FKBP9: variants seen among roughly 807,000 people sequenced by gnomAD.
The protein encoded by FKBP9 is peptidyl-prolyl cis-trans isomerase FKBP9.
FKBP9 carries 27 observed loss-of-function variants against 55.6 expected under a neutral mutation model. The observed-to-expected ratio is 0.49, with a 90% CI of 0.36 to 0.67. FKBP9 has a LOEUF of 0.67. FKBP9 is among the 30% of genes least tolerant of loss of function. The probability of loss-of-function intolerance (pLI) is 0.00; values close to 1 mark genes in which losing one functional copy is unlikely to be tolerated. For missense variants in FKBP9, 539 were observed against 742.8 expected (o/e 0.73, Z 3.19); for synonymous variants, 267 against 296.5 (o/e 0.90, Z 1.02).
chr7:32,961,760 A>G (rs1054478521), intron 1 of FKBP9, among the ~76,000 whole-genome samples: 1 of 151,756 alleles, frequency 6.6e-6, no homozygotes, highest in African/African-American at 2.4e-5. Flanking sequence ...TCACAGGCAC[A>G]TGAACCCTAT....
In FKBP9 at chr7:32,976,489, G is replaced by A. The variant is rs1211657007; in HGVS notation, c.693G>A (p.Glu231=). The stretch of plus-strand genomic sequence containing the variant: ...TTCCTCCTTTTCTGGCCTATGGAGA[G>A]GATGGAGATGGTAAGTCCGTCTCCT... ...ITIPPFLAYG[E]DGDGKDIPGQ... Residue 231 remains glutamate, a synonymous_variant, in exon 4 of 10, where the codon GAG becomes GAA. Coordinates refer to ENST00000242209, the MANE Select transcript of FKBP9 (RefSeq NM_007270.5). 4 of 1,599,152 alleles carry A rather than the reference G, an allele frequency of 2.5e-6. No individual in the cohort carries two copies. Among genetic ancestry groups the A allele is most frequent in the Admixed American group, 3.5e-5 (2 of 57,556 alleles).
chr7:32,977,244 T>C (rs1562567027), intron 4 of FKBP9, among the ~76,000 whole-genome samples: 1 of 152,216 alleles, frequency 6.6e-6, no homozygotes, highest in Non-Finnish European at 1.5e-5. Context: ...TGGCACAACA[T>C]AGAGACCGGT....
chr7:32,995,388 C>T (rs191082051), intron 6 of FKBP9, among the ~76,000 whole-genome samples: 4,769 of 152,086 alleles, frequency 0.031, 215 homozygotes, highest in East Asian at 0.19. Flanking sequence ...GGATGTATTA[C>T]AACTGATGCA....
At position 32,971,664 on chromosome 7, in the gene FKBP9, T is replaced by C. The variant is rs1784257376; in HGVS notation, c.222-2953T>C. 2.0e-5 allele frequency among the ~76,000 whole-genome samples: 3 copies of C among 152,170 alleles called. No homozygotes were observed. The South Asian group carries it at 6.2e-4, about 31-fold the overall frequency. ...CTCAGCTAATTTTTTGTATTTTTAG[T>C]AGAGATGGGATTTCACAATGTTGCC... is the stretch of plus-strand genomic sequence containing the variant. On this transcript the variant is annotated intron_variant, in intron 1 of 9. Coordinates refer to ENST00000242209, the MANE Select transcript of FKBP9 (RefSeq NM_007270.5).
intron 1 of FKBP9, among the ~76,000 whole-genome samples, chr7:32,966,279 G>GGA (rs552653813): frequency 1.2e-3 from 184 of 151,152 alleles, no homozygotes; most frequent in African/African-American, 4.4e-3. Flanking sequence ...TGTGTAGGCA[G>GGA]TTTAGTGTGT....
At chr7:32,996,767 A>T (rs1234766777) in intron 7 of FKBP9, among the ~76,000 whole-genome samples, 245 of 42,730 alleles carry the variant, frequency 5.7e-3, no homozygotes, top group Non-Finnish European at 7.8e-3. Flanking sequence ...TTTTTTTGAT[A>T]AAGTCTCACT....
At chr7:32,975,067 C>T (rs148333479) in intron 2 of FKBP9, 115 bp from the exon 3 acceptor site, 76 of 816,254 alleles carry the variant, frequency 9.3e-5, no homozygotes, top group East Asian at 1.8e-4. Flanking sequence ...GATTGTATAG[C>T]GGTGACTGCT....
chr7:32,997,885 G>A (rs1186323634), intron 7 of FKBP9, among the ~76,000 whole-genome samples: 7 of 152,232 alleles, frequency 4.6e-5, no homozygotes, highest in African/African-American at 7.2e-5. Flanking sequence ...TCTCCCTCTC[G>A]GTATGGGATC....
intron 6 of FKBP9, chr7:32,992,573 C>T (rs1013982848): frequency 2.3e-4 from 41 of 178,736 alleles, no homozygotes; most frequent in African/African-American, 9.5e-4. Flanking sequence ...TATTTCTGCC[C>T]GTTTGCTGGT....
intron 5 of FKBP9, among the ~76,000 whole-genome samples, chr7:32,982,873 T>C (rs1407542342): frequency 6.6e-6 from 1 of 152,252 alleles, no homozygotes; most frequent in African/African-American, 2.4e-5. Flanking sequence ...GTATGTTTCC[T>C]GTATTTTGAC....
At chr7:32,972,292 A>G (rs978687687) in intron 1 of FKBP9, among the ~76,000 whole-genome samples, 3 of 152,026 alleles carry the variant, frequency 2.0e-5, no homozygotes, top group African/African-American at 7.3e-5. Flanking sequence ...CCTGTACTTG[A>G]AATCTTGCTT....
At chr7:32,996,996 T>A (rs1157809827) in intron 7 of FKBP9, among the ~76,000 whole-genome samples, 9 of 151,160 alleles carry the variant, frequency 6.0e-5, no homozygotes, top group African/African-American at 2.2e-4. Flanking sequence ...GGGTTTCACC[T>A]TGTTAGCCAG....
intron 6 of FKBP9, among the ~76,000 whole-genome samples, chr7:32,993,361 C>T (rs1222243866): frequency 6.6e-6 from 1 of 152,126 alleles, no homozygotes; most frequent in Non-Finnish European, 1.5e-5. Flanking sequence ...CACAATAACT[C>T]CCGATTCCTC....
rs562847377 is a variant in FKBP9, at chr7:32,964,237, C to T, written c.221+6443C>T. ...CTGAGGCCATTGGCAGCTGGCCAAG[C>T]ACCCCTGGTGAAGACTTATTAGCGT... On this transcript the variant is annotated intron_variant, in intron 1 of 9. Coordinates refer to ENST00000242209, the MANE Select transcript of FKBP9 (RefSeq NM_007270.5). Among the ~76,000 whole-genome samples the T allele has an allele frequency of 1.8e-4, 28 of 152,344 alleles. No homozygotes were observed. The South Asian group carries it at 5.6e-3, about 30-fold the overall frequency.
At position 33,005,353 on chromosome 7, in the gene FKBP9, C is replaced by G; in HGVS notation, c.*2C>G. On this transcript the variant is annotated 3_prime_UTR_variant, in exon 10 of 10. Transcript: ENST00000242209. ...GAAGCCAAACACGATGAACTCTAAACCTGGCATGAACCAGATGGTGCCAGG... is the reference window on the plus strand; with the variant it reads ...GAAGCCAAACACGATGAACTCTAAAGCTGGCATGAACCAGATGGTGCCAGG... The G allele has an allele frequency of 6.2e-7, 1 of 1,614,152 alleles. No individual in the cohort carries two copies. The highest frequency in any genetic ancestry group is 8.5e-7 in the Non-Finnish European group (1 of 1,179,992).
At position 32,967,832 on chromosome 7, in the gene FKBP9, G is replaced by A. The variant is rs533451829; in HGVS notation, c.222-6785G>A. On this transcript the variant is annotated intron_variant, in intron 1 of 9. Transcript: ENST00000242209. The stretch of plus-strand genomic sequence containing the variant: ...TACAGTAGTGCGATCTCAGCTCATC[G>A]CAACCTCCGCCTCCCAGGTTCAAGT... Among the ~76,000 whole-genome samples the A allele has an allele frequency of 3.8e-4, 57 of 151,938 alleles. No homozygotes were observed. The South Asian group carries it at 6.1e-3, about 16-fold the overall frequency.
chr7:32,974,419 A>G (rs1448072296), intron 1 of FKBP9, among the ~76,000 whole-genome samples, 198 bp from the exon 2 acceptor site: 1 of 151,364 alleles, frequency 6.6e-6, no homozygotes, highest in African/African-American at 2.4e-5. Flanking sequence ...TTTGCTGGCA[A>G]TATTCAAGGT....
At chr7:32,996,103 G>A in intron 6 of FKBP9, 60 bp from the exon 7 acceptor site, 2 of 1,515,648 alleles carry the variant, frequency 1.3e-6, no homozygotes, top group Non-Finnish European at 9.1e-7. Context: ...TGACACTGGG[G>A]AGGCCCATGT....
In FKBP9 at chr7:32,990,995, A is replaced by T. The variant is rs369159041; in HGVS notation, c.1039+2343A>T. On this transcript the variant is annotated intron_variant, in intron 6 of 9. Coordinates refer to ENST00000242209, the MANE Select transcript of FKBP9 (RefSeq NM_007270.5). ...CAGATCACAGCTTAAGATCCATTCG[A>T]CAGGGCTTTCTTCACACATCCTGCT... Among the ~76,000 whole-genome samples the T allele has an allele frequency of 3.3e-5, 5 of 152,264 alleles. No individual in the cohort carries two copies. In the East Asian group the frequency reaches 9.7e-4, roughly 29 times the overall value.
Sources: allele counts gnomAD v4.1 joint callset (sites outside exome capture counted in the v4.1 genomes callset), GRCh38; gene constraint gnomAD v4.1.1; transcripts MANE v1.5; gene names NCBI Gene and HGNC (gene_info 2026-07-23, HGNC 2026-07-21).